Variants in ZNF362 observed in about 807,000 individuals in gnomAD.
ZNF362 encodes the protein rotund homolog.
In ZNF362, 11 loss-of-function variants were observed where a neutral mutation model predicts 42.9. The observed-to-expected ratio is 0.26, with a 90% CI of 0.16 to 0.42. The LOEUF (loss-of-function observed/expected upper bound fraction) is 0.42, where lower values mean the gene tolerates loss of function less well. Among genes scored for constraint, ZNF362 ranks in the 20% least tolerant of loss-of-function variants. ZNF362 has a pLI of 1.00. For synonymous variants in ZNF362, 255 were observed against 257.3 expected, an observed-to-expected ratio of 0.99 and a Z score of 0.09; for missense variants, 362 against 576.2, an observed-to-expected ratio of 0.63 and a Z score of 3.81.
chr1:33,203,497 G>GT, the ZNF362 span, among the ~76,000 whole-genome samples: 1 of 152,166 alleles, frequency 6.6e-6, no homozygotes, highest in Non-Finnish European at 1.5e-5. Flanking sequence ...CCACAAGAAG[G>GT]ATTGCTGGGT....
chr1:33,274,938 GA>G, intron 2 of ZNF362: 2 of 984,930 alleles, frequency 2.0e-6, no homozygotes, highest in Middle Eastern at 5.2e-4. Flanking sequence ...TTAAAATATT[GA>G]GATTAGATTG....
At chr1:33,211,109 A>G in the ZNF362 span, among the ~76,000 whole-genome samples, 1 of 151,678 alleles carries the variant, frequency 6.6e-6, no homozygotes, top group Non-Finnish European at 1.5e-5. Context: ...AATTTTTTGT[A>G]TTTTTAGTAG....
chr1:33,167,213 T>G, the ZNF362 span, among the ~76,000 whole-genome samples: 2 of 152,222 alleles, frequency 1.3e-5, no homozygotes, highest in Non-Finnish European at 2.9e-5. This position sits in a 1 kb window ranked among gnomAD's most constrained non-coding sequence, Gnocchi z 4.2. Context: ...CACCTCCTCA[T>G]ACCCTGTCAC....
chr1:33,146,956 G>A, the ZNF362 span: 3 of 590,420 alleles, frequency 5.1e-6, no homozygotes, highest in East Asian at 5.7e-5. Context: ...GATCAAAGCT[G>A]TATCCCTATC....
At position 33,281,436 on chromosome 1, in the gene ZNF362, G is replaced by C. The variant is rs1645993462; in HGVS notation, c.684-151G>C. The C allele has an allele frequency of 2.8e-6, 2 of 710,402 alleles. No homozygotes were observed. Among genetic ancestry groups the C allele is most frequent in the Non-Finnish European group, 4.8e-6 (2 of 418,122 alleles). 44.0% of individuals were successfully genotyped at this position (710,402 alleles called of 1,614,324 possible). The stretch of plus-strand genomic sequence containing the variant: ...TTAAGGGTGCCCAGGCTGGGAGACT[G>C]TCCCCTGTCTTTCCCAGGTGGTCCT... On this transcript the variant is annotated intron_variant, in intron 5 of 8. Coordinates refer to ENST00000539719, the MANE Select transcript of ZNF362 (RefSeq NM_152493.3). The surrounding 1 kb of genome is among the most constrained non-coding windows in gnomAD (Gnocchi z 4.8).
At chr1:33,148,859 C>T in the ZNF362 span, among the ~76,000 whole-genome samples, 1 of 152,194 alleles carries the variant, frequency 6.6e-6, no homozygotes, top group Admixed American at 6.5e-5. Context: ...AACTGAGACC[C>T]AGAGGGGAGA....
rs992388624 is a variant in ZNF362, at chr1:33,280,676, G to A, written c.683+219G>A. Among the ~76,000 whole-genome samples, 9 of 152,198 alleles carry A rather than the reference G, an allele frequency of 5.9e-5. No homozygotes were observed. The highest frequency in any genetic ancestry group is 2.2e-4 in the African/African-American group (9 of 41,458). On this transcript the variant is annotated intron_variant, in intron 5 of 8. Coordinates refer to ENST00000539719, the MANE Select transcript of ZNF362 (RefSeq NM_152493.3). This position sits in a 1 kb window ranked among gnomAD's most constrained non-coding sequence, Gnocchi z 5.6. The stretch of plus-strand genomic sequence containing the variant: ...AGGGGAATAGAGGCTTGGACCCTTA[G>A]GTGTGGTCTGTGGCTGGCAGCCACC...
chr1:33,293,428 G>T (rs749145882), intron 6 of ZNF362, among the ~76,000 whole-genome samples: 11 of 152,184 alleles, frequency 7.2e-5, no homozygotes, highest in Non-Finnish European at 1.6e-4. Context: ...CAGCCAATGG[G>T]CTTATTGGTA....
the ZNF362 span, among the ~76,000 whole-genome samples, chr1:33,223,374 AC>A: frequency 6.6e-6 from 1 of 152,202 alleles, no homozygotes; most frequent in African/African-American, 2.4e-5. Flanking sequence ...CTCCCCACCC[AC>A]GTGGAACTGT....
chr1:33,156,518 A>G, the ZNF362 span, among the ~76,000 whole-genome samples: 2 of 151,618 alleles, frequency 1.3e-5, no homozygotes. Flanking sequence ...TTGCCCTCCT[A>G]TCCCTCTGAC....
chr1:33,185,715 A>G, the ZNF362 span, among the ~76,000 whole-genome samples: 2 of 152,130 alleles, frequency 1.3e-5, no homozygotes, highest in African/African-American at 4.8e-5. Context: ...AGAGATCCTG[A>G]CTGCAGTGTA....
the ZNF362 span, among the ~76,000 whole-genome samples, chr1:33,135,308 A>AAACC: frequency 6.6e-6 from 1 of 151,950 alleles, no homozygotes; most frequent in East Asian, 1.9e-4. Flanking sequence ...ACAAACAAAC[A>AAACC]AACCAAACAA....
chr1:33,202,501 G>A, the ZNF362 span, among the ~76,000 whole-genome samples: 10 of 151,988 alleles, frequency 6.6e-5, no homozygotes, highest in African/African-American at 1.9e-4. Context: ...GGGAGGCTGA[G>A]GCAGGAGAAT....
chr1:33,169,138 C>T, the ZNF362 span, among the ~76,000 whole-genome samples: 113,550 of 151,940 alleles, frequency 0.75, 42,522 homozygotes, highest in African/African-American at 0.78. Flanking sequence ...CGTGATGCCA[C>T]GAGGTGTGCA....
chr1:33,250,247 A>AAAGT, the ZNF362 span, among the ~76,000 whole-genome samples: 1 of 152,148 alleles, frequency 6.6e-6, no homozygotes, highest in Admixed American at 6.6e-5. Context: ...AAATGGGGAT[A>AAAGT]ATGTTCCTAC....
chr1:33,156,433 G>T, the ZNF362 span, among the ~76,000 whole-genome samples: 21 of 152,286 alleles, frequency 1.4e-4, no homozygotes, highest in African/African-American at 5.1e-4. Context: ...TCCCATGCTT[G>T]GCTCAGCAGC....
chr1:33,267,552 G>T (rs1191883091), intron 1 of ZNF362, among the ~76,000 whole-genome samples: 1 of 152,160 alleles, frequency 6.6e-6, no homozygotes, highest in Non-Finnish European at 1.5e-5. Context: ...CAGTGTCAGG[G>T]TGGAGAGTAT....
chr1:33,187,173 G>A, the ZNF362 span, among the ~76,000 whole-genome samples: 1 of 152,186 alleles, frequency 6.6e-6, no homozygotes, highest in Admixed American at 6.5e-5. Flanking sequence ...TGTTGAGGCT[G>A]CTCCCTGGTG....
the ZNF362 span, among the ~76,000 whole-genome samples, chr1:33,133,701 T>TC: frequency 3.9e-5 from 6 of 152,210 alleles, no homozygotes; most frequent in East Asian, 9.7e-4. Context: ...AGTGGACTGC[T>TC]CCCCCAGGGC....
Sources: gnomAD v4.1 joint callset for allele counts (sites outside exome capture counted in the v4.1 genomes callset) on GRCh38, gnomAD v4.1.1 for gene constraint, Gnocchi (gnomAD v3.1) non-coding constraint, MANE v1.5 for transcripts, NCBI Gene and HGNC (gene_info 2026-07-23, HGNC 2026-07-21) for gene names.